The following USH2A variants were observed in gnomAD, a reference collection of about 807,000 sequenced individuals.
USH2A encodes usherin, also known as Usher syndrome 2A (autosomal recessive, mild).
A neutral mutation model predicts 538.9 loss-of-function variants in USH2A; 443 were observed. The observed-to-expected ratio is 0.82, with a 90% CI of 0.76 to 0.89. The LOEUF is 0.89. Ranked by LOEUF, USH2A falls within the 40% of genes least tolerant of loss-of-function variation. The pLI, the probability that USH2A is intolerant of heterozygous loss-of-function variation, is 0.00. For missense variants in USH2A, 6,633 were observed against 6,324.8 expected (o/e 1.05, Z -1.65); for synonymous variants, 2,413 against 2,273.5 (o/e 1.06, Z -1.75).
chr1:216,226,892 G>C (rs2035573355), intron 14 of USH2A, among the ~76,000 whole-genome samples: 1 of 152,088 alleles, frequency 6.6e-6, no homozygotes, highest in African/African-American at 2.4e-5. Context: ...CTGTCTTCTA[G>C]CTTACCTATC....
At position 215,759,165 on chromosome 1, in the gene USH2A, A is replaced by G. The variant is rs537593235; in HGVS notation, c.11232-413T>C. 3.9e-5 allele frequency among the ~76,000 whole-genome samples: 6 copies of G among 152,336 alleles called. No homozygotes were observed. In the South Asian group the frequency reaches 1.2e-3, roughly 32 times the overall value. Reference sequence around the variant, plus strand: ...GAAATTGATCTCTACTTTCTACAGTAAAACATCTGTTGATTTAAGATATGT... The same window carrying G: ...GAAATTGATCTCTACTTTCTACAGTGAAACATCTGTTGATTTAAGATATGT... On this transcript the variant is annotated intron_variant, in intron 57 of 71. Coordinates refer to ENST00000307340, the MANE Select transcript of USH2A (RefSeq NM_206933.4).
At chr1:215,927,308 T>A (rs1666260575) in intron 38 of USH2A, among the ~76,000 whole-genome samples, 1 of 152,118 alleles carries the variant, frequency 6.6e-6, no homozygotes, top group Admixed American at 6.6e-5. Flanking sequence ...ATCTCTAAAT[T>A]TTTGTTCTCC....
At chr1:215,714,720 T>C (rs931126116) in intron 61 of USH2A, among the ~76,000 whole-genome samples, 63 of 152,206 alleles carry the variant, frequency 4.1e-4, no homozygotes, top group Non-Finnish European at 8.8e-4. Flanking sequence ...GGACTTTTCC[T>C]TTAACAAACT....
At chr1:215,915,998 G>A (rs1665942858) in intron 38 of USH2A, among the ~76,000 whole-genome samples, 2 of 140,354 alleles carry the variant, frequency 1.4e-5, no homozygotes, top group South Asian at 4.6e-4. Context: ...GAGAACACAT[G>A]GACACATGAA....
intron 20 of USH2A, among the ~76,000 whole-genome samples, chr1:216,186,250 T>C (rs897698323): frequency 6.6e-6 from 1 of 151,712 alleles, no homozygotes; most frequent in African/African-American, 2.4e-5. Flanking sequence ...ATTTGAAATT[T>C]ACCACTATAT....
At chr1:215,670,509 C>T (rs1485205094) in intron 64 of USH2A, among the ~76,000 whole-genome samples, 1 of 152,170 alleles carries the variant, frequency 6.6e-6, no homozygotes, top group African/African-American at 2.4e-5. Context: ...AAACTTAACT[C>T]ATCGCCATGG....
At position 215,867,027 on chromosome 1, in the gene USH2A, T is replaced by C; in HGVS notation, c.8825A>G (p.Asp2942Gly). ...CTTACTTGGTTTAGCCCACCTCACG[T>C]CGATGGCTGTGTGGTTAAGGACACT... ...TASVLNHTAI[D>G]VRWAKPTVQD... The change falls in exon 44 of 72, where the codon GAC (aspartate) becomes GGC (glycine). Residue 2942 changes from aspartate to glycine, a missense_variant. Transcript: ENST00000307340. 1 of 1,614,156 alleles carries C rather than the reference T, an allele frequency of 6.2e-7. No individual in the cohort carries two copies. The highest frequency in any genetic ancestry group is 8.5e-7 in the Non-Finnish European group (1 of 1,180,008).
At chr1:216,228,035 G>C (rs1361944980) in intron 14 of USH2A, among the ~76,000 whole-genome samples, 4 of 152,028 alleles carry the variant, frequency 2.6e-5, no homozygotes, top group African/African-American at 9.7e-5. Flanking sequence ...TTAGGGATGG[G>C]GTTGATCAAA....
At chr1:216,172,283 A>G (rs2034289020) in intron 21 of USH2A, among the ~76,000 whole-genome samples, 1 of 152,100 alleles carries the variant, frequency 6.6e-6, no homozygotes, top group South Asian at 2.1e-4. Flanking sequence ...GAATGCGTTT[A>G]TAATTCCTGT....
chr1:215,722,011 G>GC (rs1221948868), intron 61 of USH2A, among the ~76,000 whole-genome samples: 1 of 150,992 alleles, frequency 6.6e-6, no homozygotes, highest in Non-Finnish European at 1.5e-5. Flanking sequence ...GCTGCAGTGA[G>GC]CTATGATGGT....
chr1:215,758,055 G>A (rs192414508), intron 58 of USH2A, among the ~76,000 whole-genome samples: 6 of 152,028 alleles, frequency 3.9e-5, no homozygotes, highest in East Asian at 3.9e-4. Flanking sequence ...AGGCTGAGGC[G>A]GGTGAATTAC....
chr1:215,932,440 G>T (rs1666388614), intron 38 of USH2A, among the ~76,000 whole-genome samples: 1 of 151,930 alleles, frequency 6.6e-6, no homozygotes, highest in South Asian at 2.1e-4. Flanking sequence ...TGTAAATCAG[G>T]ATAATATGTT....
At chr1:215,986,051 A>T (rs768964362) in intron 35 of USH2A, among the ~76,000 whole-genome samples, 5 of 152,148 alleles carry the variant, frequency 3.3e-5, no homozygotes, top group African/African-American at 4.8e-5. Flanking sequence ...TAAGCTTCTC[A>T]GGTCCCCTTC....
At chr1:216,276,470 G>A (rs1010192997) in intron 11 of USH2A, among the ~76,000 whole-genome samples, 1 of 152,080 alleles carries the variant, frequency 6.6e-6, no homozygotes, top group African/African-American at 2.4e-5. Flanking sequence ...CTCATCATCG[G>A]CTCTTTCTTG....
chr1:216,413,347 C>A (rs1228393178), intron 3 of USH2A, among the ~76,000 whole-genome samples: 2 of 151,968 alleles, frequency 1.3e-5, no homozygotes, highest in Non-Finnish European at 2.9e-5. Flanking sequence ...AATGAGGAGG[C>A]TTCCATAAGG....
intron 64 of USH2A, among the ~76,000 whole-genome samples, chr1:215,653,964 A>G (rs1657161496): frequency 6.6e-6 from 1 of 152,216 alleles, no homozygotes; most frequent in South Asian, 2.1e-4. Context: ...ATCAATAAAT[A>G]AAATATCTTG....
intron 34 of USH2A, 103 bp downstream of exon 34, chr1:215,998,784 G>C (rs1302644784): frequency 1.7e-5 from 22 of 1,259,492 alleles, no homozygotes; most frequent in Non-Finnish European, 2.4e-5. Flanking sequence ...TGAAGATTTT[G>C]ACTTTTTTTT....
At chr1:215,860,085 C>T (rs1423532084) in intron 44 of USH2A, among the ~76,000 whole-genome samples, 1 of 152,180 alleles carries the variant, frequency 6.6e-6, no homozygotes, top group African/African-American at 2.4e-5. Flanking sequence ...CACATGTCCA[C>T]TCACCTTTTG....
chr1:215,815,139 T>C (rs370561630), intron 48 of USH2A, among the ~76,000 whole-genome samples: 6 of 152,234 alleles, frequency 3.9e-5, no homozygotes, highest in East Asian at 3.9e-4. Context: ...GAAATTTAAC[T>C]GACATCCTTT....
Sources: allele counts gnomAD v4.1 joint callset (sites outside exome capture counted in the v4.1 genomes callset), GRCh38; gene constraint gnomAD v4.1.1; transcripts MANE v1.5; gene names NCBI Gene and HGNC (gene_info 2026-07-23, HGNC 2026-07-21).